TENM3: variants seen among roughly 807,000 people sequenced by gnomAD.
TENM3 encodes teneurin transmembrane protein 3.
Under a neutral mutation model 255.1 loss-of-function variants are expected in TENM3, and 63 were observed. The observed-to-expected ratio is 0.25, with a 90% CI of 0.20 to 0.30. The LOEUF (loss-of-function observed/expected upper bound fraction) is 0.30, where lower values mean the gene tolerates loss of function less well. Ranked by LOEUF, TENM3 falls within the 10% of genes least tolerant of loss-of-function variation. The pLI is 1.00. For missense variants in TENM3, 2,929 were observed against 3,461.1 expected, an observed-to-expected ratio of 0.85 and a Z score of 3.86; for synonymous variants, 1,306 against 1,322.3, an observed-to-expected ratio of 0.99 and a Z score of 0.27.
At chr4:182,152,682 A>C (rs142904686) in intron 1 of TENM3, among the ~76,000 whole-genome samples, 153 of 152,020 alleles carry the variant, frequency 1.0e-3, no homozygotes, top group African/African-American at 3.6e-3. Flanking sequence ...AAAAAATTAC[A>C]CATGTGACAG....
chr4:181,635,831 C>T, the TENM3 span, among the ~76,000 whole-genome samples: 12 of 152,224 alleles, frequency 7.9e-5, no homozygotes, highest in Non-Finnish European at 1.5e-4. Flanking sequence ...TGGAGGGAGA[C>T]GGGGCTTCCT....
At chr4:182,002,644 C>T in the TENM3 span, among the ~76,000 whole-genome samples, 2 of 152,044 alleles carry the variant, frequency 1.3e-5, no homozygotes, top group South Asian at 2.1e-4. Flanking sequence ...GCTATTGAAT[C>T]CCAGTATCCC....
chr4:182,034,867 T>C, the TENM3 span, among the ~76,000 whole-genome samples: 23 of 152,234 alleles, frequency 1.5e-4, no homozygotes, highest in African/African-American at 5.1e-4. Flanking sequence ...TGTCTTGGGG[T>C]TGATCTTCTC....
At chr4:181,631,776 A>G in the TENM3 span, among the ~76,000 whole-genome samples, 8 of 152,352 alleles carry the variant, frequency 5.3e-5, no homozygotes, top group South Asian at 1.7e-3. Flanking sequence ...GAATAGGATT[A>G]CACAGGGCAT....
chr4:182,705,965 G>A (rs1030073955), intron 12 of TENM3, among the ~76,000 whole-genome samples: 6 of 152,138 alleles, frequency 3.9e-5, no homozygotes, highest in African/African-American at 1.4e-4. Flanking sequence ...TTTATATAAG[G>A]TACTGTCATT....
At chr4:182,083,202 A>C in the TENM3 span, among the ~76,000 whole-genome samples, 1 of 152,242 alleles carries the variant, frequency 6.6e-6, no homozygotes, top group Non-Finnish European at 1.5e-5. Flanking sequence ...GTGAACATTT[A>C]TGCAATTTTA....
intron 3 of TENM3, among the ~76,000 whole-genome samples, chr4:182,364,650 A>C (rs1766288580): frequency 6.6e-6 from 1 of 152,094 alleles, no homozygotes. Flanking sequence ...CAACCTCCTG[A>C]CCTCGTGATC....
chr4:181,454,240 C>T, the TENM3 span, among the ~76,000 whole-genome samples: 320 of 152,206 alleles, frequency 2.1e-3, 2 homozygotes, highest in African/African-American at 7.3e-3. Flanking sequence ...ATGAAATACC[C>T]CTCAAGGTGC....
chr4:181,616,372 A>T, the TENM3 span, among the ~76,000 whole-genome samples: 1 of 107,586 alleles, frequency 9.3e-6, no homozygotes, highest in Admixed American at 8.4e-5. Context: ...TCAATAGGAT[A>T]TATATATATA....
chr4:181,618,478 C>CAA, the TENM3 span, among the ~76,000 whole-genome samples: 1 of 152,228 alleles, frequency 6.6e-6, no homozygotes, highest in Non-Finnish European at 1.5e-5. Context: ...TAACTTCCTA[C>CAA]AAGTTGCCAA....
chr4:182,388,846 A>G (rs537452722), intron 3 of TENM3, among the ~76,000 whole-genome samples: 2 of 152,182 alleles, frequency 1.3e-5, no homozygotes, highest in Admixed American at 6.5e-5. Context: ...TTCGCAATCT[A>G]TGACCAAAAG....
At chr4:182,158,151 T>G (rs544011485) in intron 1 of TENM3, among the ~76,000 whole-genome samples, 1 of 152,316 alleles carries the variant, frequency 6.6e-6, no homozygotes, top group East Asian at 1.9e-4. Flanking sequence ...AGGTGCCACG[T>G]CGCGCCTCTA....
chr4:181,759,347 C>G, the TENM3 span, among the ~76,000 whole-genome samples: 1 of 151,952 alleles, frequency 6.6e-6, no homozygotes, highest in African/African-American at 2.4e-5. Flanking sequence ...CAAAACCCAT[C>G]TGCTTGTAAA....
chr4:181,690,994 G>A, the TENM3 span, among the ~76,000 whole-genome samples: 5 of 152,078 alleles, frequency 3.3e-5, no homozygotes, highest in African/African-American at 1.2e-4. Flanking sequence ...TGTCTTTACT[G>A]AATGCTCTAT....
the TENM3 span, among the ~76,000 whole-genome samples, chr4:181,717,363 G>C: frequency 6.6e-6 from 1 of 152,100 alleles, no homozygotes; most frequent in Admixed American, 6.6e-5. Flanking sequence ...TCCTAGTAGA[G>C]ATATTTTAAG....
chr4:181,705,177 A>G, the TENM3 span, among the ~76,000 whole-genome samples: 1 of 152,218 alleles, frequency 6.6e-6, no homozygotes, highest in Non-Finnish European at 1.5e-5. Flanking sequence ...TCCAATTATT[A>G]CAAGAACTAT....
chr4:182,157,148 G>A lies in TENM3; in HGVS notation c.-76+12394G>A, dbSNP rs1579532590. Among the ~76,000 whole-genome samples, 4 of 152,296 alleles carry A rather than the reference G, an allele frequency of 2.6e-5. No homozygotes were observed. The East Asian group carries it at 5.8e-4, about 22-fold the overall frequency. ...CTTGAAACTCTGAGACACTGCAAAG[G>A]TCTTGTGGCCTTAACTGCTAACAAA... On this transcript the variant is annotated intron_variant, in intron 1 of 2. Transcript: ENST00000512480.
chr4:181,876,841 TCTC>T, the TENM3 span, among the ~76,000 whole-genome samples: 1 of 152,158 alleles, frequency 6.6e-6, no homozygotes, highest in African/African-American at 2.4e-5. Context: ...TAGATTGTAT[TCTC>T]CTTGATTTGC....
chr4:181,674,415 G>GAAA, the TENM3 span, among the ~76,000 whole-genome samples: 571 of 147,090 alleles, frequency 3.9e-3, 2 homozygotes, highest in East Asian at 7.4e-3. Context: ...CATGGTCTAT[G>GAAA]AAAAAAAAAA....
Sources: gnomAD v4.1 joint callset for allele counts (sites outside exome capture counted in the v4.1 genomes callset) on GRCh38, gnomAD v4.1.1 for gene constraint, MANE v1.5 for transcripts, NCBI Gene and HGNC (gene_info 2026-07-23, HGNC 2026-07-21) for gene names.